The following SEMA4D variants were observed in gnomAD, a reference collection of about 807,000 sequenced individuals.
SEMA4D encodes semaphorin 4D.
A neutral mutation model predicts 74.8 loss-of-function variants in SEMA4D; 22 were observed. The ratio of observed to expected loss-of-function variants is 0.29; its 90% CI spans 0.21 to 0.42. The LOEUF (loss-of-function observed/expected upper bound fraction) is 0.42, where lower values mean the gene tolerates loss of function less well. Among genes scored for constraint, SEMA4D ranks in the 10% least tolerant of loss-of-function variants. The pLI, the probability that SEMA4D is intolerant of heterozygous loss-of-function variation, is 1.00. For synonymous variants in SEMA4D, 445 were observed against 463.7 expected, an observed-to-expected ratio of 0.96 and a Z score of 0.52; for missense variants, 937 against 1,118.4, an observed-to-expected ratio of 0.84 and a Z score of 2.31.
intron 4 of SEMA4D, among the ~76,000 whole-genome samples, chr9:89,401,977 G>A (rs531995072): frequency 1.3e-3 from 200 of 151,966 alleles, no homozygotes; most frequent in African/African-American, 4.7e-3. Flanking sequence ...GGAGAAGCCC[G>A]CCTCACAGCC....
At chr9:89,382,105 T>C (rs952341312) in intron 13 of SEMA4D, among the ~76,000 whole-genome samples, 1 of 152,084 alleles carries the variant, frequency 6.6e-6, no homozygotes, top group Non-Finnish European at 1.5e-5. Flanking sequence ...TTCAGGTCCA[T>C]CCCATCAGCC....
intron 15 of SEMA4D, 152 bp downstream of exon 15, chr9:89,380,903 A>G: frequency 1.1e-6 from 1 of 899,378 alleles, no homozygotes; most frequent in Non-Finnish European, 1.8e-6. Flanking sequence ...AAGACAGAGA[A>G]GACCACGAGT....
chr9:89,409,463 T>G (rs941472994), intron 2 of SEMA4D, among the ~76,000 whole-genome samples: 1 of 152,090 alleles, frequency 6.6e-6, no homozygotes, highest in African/African-American at 2.4e-5. Context: ...CACCACTCTG[T>G]GGGGGGATTC....
intron 1 of SEMA4D, among the ~76,000 whole-genome samples, chr9:89,491,284 C>A (rs1486020867): frequency 6.6e-6 from 1 of 152,134 alleles, no homozygotes; most frequent in African/African-American, 2.4e-5. Context: ...AAACAGATGG[C>A]TGAGTCTGGG....
chr9:89,462,873 G>GT (rs1474266741), intron 1 of SEMA4D, among the ~76,000 whole-genome samples: 1 of 59,078 alleles, frequency 1.7e-5, no homozygotes, highest in Non-Finnish European at 3.4e-5. Flanking sequence ...GAGCCTGGGA[G>GT]TTTGAGGCTG....
intron 2 of SEMA4D, among the ~76,000 whole-genome samples, chr9:89,437,818 T>C (rs1850789831): frequency 6.6e-6 from 1 of 152,222 alleles, no homozygotes; most frequent in African/African-American, 2.4e-5. Context: ...TGTGGTGCTC[T>C]GCCCTGGTCC....
chr9:89,454,412 T>C (rs1307488080), intron 2 of SEMA4D, among the ~76,000 whole-genome samples: 2 of 152,098 alleles, frequency 1.3e-5, no homozygotes, highest in Non-Finnish European at 2.9e-5. Context: ...GCTGACATGG[T>C]CAGCCCCCCC....
At chr9:89,425,696 T>TC in intron 2 of SEMA4D, among the ~76,000 whole-genome samples, 1 of 151,852 alleles carries the variant, frequency 6.6e-6, no homozygotes, top group Non-Finnish European at 1.5e-5. Flanking sequence ...ATCCACCCCC[T>TC]CCCCCAGTGT....
chr9:89,447,633 G>C (rs1328359364), intron 2 of SEMA4D, among the ~76,000 whole-genome samples: 1 of 152,116 alleles, frequency 6.6e-6, no homozygotes, highest in East Asian at 1.9e-4. Context: ...CGCTCTCCCA[G>C]ACCACCTCAC....
In SEMA4D at chr9:89,378,498, C is replaced by A. The variant is rs75368920; in HGVS notation, c.*206G>T. On this transcript the variant is annotated 3_prime_UTR_variant, in exon 16 of 16. Transcript: ENST00000422704. ...CGGAACACAAGACTGGGATGCAATG[C>A]TTGTCATTTTTCCAAAAGGACAAAG... 0.017 allele frequency: 9,604 copies of A among 569,814 alleles called. 147 individuals carry two copies. The highest frequency in any genetic ancestry group is 0.031 in the Middle Eastern group (66 of 2,158). 35.3% of individuals were successfully genotyped at this position (569,814 alleles called of 1,614,324 possible).
intron 2 of SEMA4D, among the ~76,000 whole-genome samples, chr9:89,439,564 GTT>G (rs1031231048): frequency 2.0e-5 from 3 of 152,196 alleles, no homozygotes; most frequent in African/African-American, 7.2e-5. Flanking sequence ...AAAAATTAAG[GTT>G]TTTAATTATG....
chr9:89,463,862 A>G (rs1857959770), intron 1 of SEMA4D, among the ~76,000 whole-genome samples: 1 of 149,250 alleles, frequency 6.7e-6, no homozygotes, highest in Non-Finnish European at 1.5e-5. Context: ...TGAACCCAGG[A>G]GGTGGAGGTT....
exon 19 of SEMA4D, chr9:89,361,194 A>G (rs1407760570): frequency 6.6e-6 from 1 of 152,316 alleles, no homozygotes; most frequent in East Asian, 1.9e-4. Flanking sequence ...CGGAGGGGGA[A>G]CGTGTGGAGA....
intron 13 of SEMA4D, among the ~76,000 whole-genome samples, chr9:89,382,401 A>G (rs575018099): frequency 6.6e-6 from 1 of 152,330 alleles, no homozygotes; most frequent in Admixed American, 6.5e-5. Flanking sequence ...TCCTCAGAGG[A>G]TACGCTCGGA....
At chr9:89,469,158 G>A (rs1243020514) in intron 1 of SEMA4D, among the ~76,000 whole-genome samples, 2 of 144,010 alleles carry the variant, frequency 1.4e-5, no homozygotes, top group Non-Finnish European at 3.1e-5. Context: ...AAACAACTCC[G>A]TGCACAAAGA....
At chr9:89,489,421 C>T (rs1227431178) in intron 1 of SEMA4D, among the ~76,000 whole-genome samples, 4 of 152,180 alleles carry the variant, frequency 2.6e-5, no homozygotes, top group South Asian at 2.1e-4. Context: ...TTAGTACATT[C>T]GCAATGTTAT....
chr9:89,384,492 AAG>A (rs1266940536), intron 13 of SEMA4D, among the ~76,000 whole-genome samples: 1 of 152,214 alleles, frequency 6.6e-6, no homozygotes, highest in Non-Finnish European at 1.5e-5. Flanking sequence ...GGGGAAAATG[AAG>A]AGTTTGTATT....
At chr9:89,490,476 C>T (rs1303290526) in intron 1 of SEMA4D, among the ~76,000 whole-genome samples, 1 of 152,186 alleles carries the variant, frequency 6.6e-6, no homozygotes, top group Non-Finnish European at 1.5e-5. Flanking sequence ...CGAGTATCCA[C>T]ACAACCATTC....
At chr9:89,372,943 C>T (rs1484847631), downstream of SEMA4D, among the ~76,000 whole-genome samples, 1 of 152,224 alleles carries the variant, frequency 6.6e-6, no homozygotes, top group Non-Finnish European at 1.5e-5. Context: ...CTGATAATTC[C>T]ACTTCCTAGA....
Sources: allele counts gnomAD v4.1 joint callset (sites outside exome capture counted in the v4.1 genomes callset), GRCh38; gene constraint gnomAD v4.1.1; transcripts MANE v1.5; gene names NCBI Gene and HGNC (gene_info 2026-07-23, HGNC 2026-07-21).